Variants in PLB1 observed in about 807,000 individuals in gnomAD.
The protein encoded by PLB1 is phospholipase B1, membrane-associated.
A neutral mutation model predicts 227.4 loss-of-function variants in PLB1; 242 were observed. The observed-to-expected ratio is 1.06, with a 90% CI of 0.96 to 1.18. The LOEUF is 1.18. Ranked by LOEUF, PLB1 falls within the 50% of genes most tolerant of loss-of-function variation. PLB1 has a pLI of 0.00. For synonymous variants in PLB1, 757 were observed against 682.2 expected (o/e 1.11, Z -1.71); for missense variants, 1,858 against 1,816.3 (o/e 1.02, Z -0.42).
chr2:28,611,985 C>CA (rs1291329211), intron 43 of PLB1, among the ~76,000 whole-genome samples: 3 of 151,974 alleles, frequency 2.0e-5, no homozygotes, highest in African/African-American at 7.3e-5. Flanking sequence ...ACTAAAAATA[C>CA]AAAAAATAAA....
At chr2:28,513,611 A>G (rs1452257479) in intron 1 of PLB1, among the ~76,000 whole-genome samples, 1 of 152,210 alleles carries the variant, frequency 6.6e-6, no homozygotes, top group East Asian at 1.9e-4. Flanking sequence ...TGGGGTCCTG[A>G]CTTCTCAAAT....
At chr2:28,539,247 C>T in intron 11 of PLB1, 69 bp downstream of exon 11, 3 of 1,363,658 alleles carry the variant, frequency 2.2e-6, no homozygotes, top group South Asian at 2.4e-5. Context: ...TGTGGGGGCC[C>T]TTCATGTGCC....
In PLB1 at chr2:28,628,606, C is replaced by T. The variant is rs1344866340; in HGVS notation, c.3704C>T (p.Ala1235Val). 6.2e-7 allele frequency: 1 copy of T among 1,614,162 alleles called. No individual in the cohort carries two copies. Among genetic ancestry groups the T allele is most frequent in the Non-Finnish European group, 8.5e-7 (1 of 1,180,026 alleles). The change falls in exon 52 of 58, where the codon GCC (alanine) becomes GTC (valine). Residue 1235 changes from alanine (A) to valine (V), a missense_variant. By Grantham distance (64) the Ala-to-Val change is moderately conservative. Transcript: ENST00000327757. ...ATEYVQHIQQ[A>V]LDILSEELPR... ...GAATATGTTCAGCACATCCAACAGG[C>T]CCTGGACATCCTCTCTGAGGAGGTA...
chr2:28,628,650 C>T, intron 52 of PLB1, 22 bp downstream of exon 52: 1 of 1,612,960 alleles, frequency 6.2e-7, no homozygotes, highest in Non-Finnish European at 8.5e-7. Flanking sequence ...GTTACGTGTT[C>T]CTGGGTCCCG....
chr2:28,526,686 G>T (rs748664329), intron 6 of PLB1, among the ~76,000 whole-genome samples: 1 of 152,162 alleles, frequency 6.6e-6, no homozygotes, highest in Non-Finnish European at 1.5e-5. Context: ...TTCGCCGTCC[G>T]TATTAGAGCA....
In PLB1 at chr2:28,641,477, G is replaced by A. The variant is rs575733741; in HGVS notation, c.4173+476G>A. ...CCAAAAGTCAGCCGGGCATGGTGGC[G>A]GGCGCCTGTCATCCCAGCTACTCAG... is the stretch of plus-strand genomic sequence containing the variant. On this transcript the variant is annotated intron_variant, in intron 57 of 57. Transcript: ENST00000327757. Among the ~76,000 whole-genome samples the A allele has an allele frequency of 1.0e-3, 154 of 152,238 alleles. 1 individual carries two copies. The highest frequency in any genetic ancestry group is 4.0e-4 in the Non-Finnish European group (27 of 68,022).
At chr2:28,523,737 C>G (rs1669860068) in intron 4 of PLB1, among the ~76,000 whole-genome samples, 1 of 152,178 alleles carries the variant, frequency 6.6e-6, no homozygotes, top group Non-Finnish European at 1.5e-5. Flanking sequence ...TTACCAGAAG[C>G]AAATTGATGG....
chr2:28,625,975 G>C (rs1687707507), intron 50 of PLB1, among the ~76,000 whole-genome samples: 1 of 150,638 alleles, frequency 6.6e-6, no homozygotes, highest in Non-Finnish European at 1.5e-5. Context: ...TTGAGGGCTG[G>C]GAAGCCCCAC....
intron 1 of PLB1, among the ~76,000 whole-genome samples, chr2:28,505,139 A>G (rs56205895): frequency 1.5e-3 from 229 of 152,286 alleles, no homozygotes; most frequent in Middle Eastern, 3.4e-3. Context: ...GGTCTGTGCT[A>G]TTTTTCCCAT....
At chr2:28,601,448 A>G (rs1366468574) in intron 37 of PLB1, 116 bp downstream of exon 37, 4 of 738,808 alleles carry the variant, frequency 5.4e-6, no homozygotes, top group Non-Finnish European at 9.5e-6. Context: ...ACCTACACCT[A>G]TGTCTGCACA....
At chr2:28,583,687 A>AG in intron 25 of PLB1, among the ~76,000 whole-genome samples, 1 of 152,162 alleles carries the variant, frequency 6.6e-6, no homozygotes, top group Non-Finnish European at 1.5e-5. Flanking sequence ...CACAAAGGGT[A>AG]GCAAAATGGC....
intron 23 of PLB1, 38 bp from the exon 24 acceptor site, chr2:28,582,030 G>T: frequency 6.4e-7 from 1 of 1,573,754 alleles, no homozygotes; most frequent in South Asian, 1.1e-5. Context: ...GAGATTAGGT[G>T]ACAAATGGTG....
intron 45 of PLB1, among the ~76,000 whole-genome samples, 189 bp downstream of exon 45, chr2:28,617,976 A>T (rs1686438205): frequency 6.6e-6 from 1 of 152,150 alleles, no homozygotes; most frequent in African/African-American, 2.4e-5. Flanking sequence ...TCTCCATTGG[A>T]TGCTACTTCT....
chr2:28,554,847 T>G (rs1674803627), intron 17 of PLB1, among the ~76,000 whole-genome samples: 1 of 152,008 alleles, frequency 6.6e-6, no homozygotes, highest in African/African-American at 2.4e-5. Flanking sequence ...CCCTGAAGAT[T>G]AGTGTGTTTA....
rs140588508 is a variant in PLB1 at position 28,544,332 on chromosome 2, T to C, written c.936+1064T>C. 7.4e-4 allele frequency among the ~76,000 whole-genome samples: 112 copies of C among 152,360 alleles called. No homozygotes were observed. In the Middle Eastern group the frequency reaches 0.01, roughly 14 times the overall value. ...CCATGATGGGCAGAGAAGAGGAACC[T>C]GGCCCCTCCAGCAGGGACTGCTCTC... On this transcript the variant is annotated intron_variant, in intron 14 of 57. Transcript: ENST00000327757.
intron 56 of PLB1, among the ~76,000 whole-genome samples, chr2:28,638,996 G>A (rs1689685814): frequency 6.6e-6 from 1 of 151,792 alleles, no homozygotes; most frequent in South Asian, 2.1e-4. Context: ...CCCAGAGATG[G>A]GGTGGAGGTT....
intron 35 of PLB1, among the ~76,000 whole-genome samples, chr2:28,600,564 C>T (rs1333524358): frequency 6.6e-6 from 1 of 152,176 alleles, no homozygotes; most frequent in African/African-American, 2.4e-5. Flanking sequence ...TGACCATGAG[C>T]AACAAATATA....
chr2:28,634,018 CT>C (rs1313627032), intron 56 of PLB1, among the ~76,000 whole-genome samples: 1 of 152,234 alleles, frequency 6.6e-6, no homozygotes, highest in Non-Finnish European at 1.5e-5. Context: ...ACTCGGCTGA[CT>C]CACAATATTG....
chr2:28,574,244 G>A (rs950656226), intron 21 of PLB1, among the ~76,000 whole-genome samples: 3 of 152,056 alleles, frequency 2.0e-5, no homozygotes, highest in Admixed American at 1.3e-4. Context: ...TTGGTTACAT[G>A]AGTAAGTTGT....
Sources: allele counts gnomAD v4.1 joint callset (sites outside exome capture counted in the v4.1 genomes callset), GRCh38; gene constraint gnomAD v4.1.1; transcripts MANE v1.5; gene names NCBI Gene and HGNC (gene_info 2026-07-23, HGNC 2026-07-21).